MGAT4C: variants seen among roughly 807,000 people sequenced by gnomAD.
MGAT4C encodes the protein alpha-1,3-mannosyl-glycoprotein 4-beta-N-acetylglucosaminyltransferase C.
In MGAT4C, 19 loss-of-function variants were observed where a neutral mutation model predicts 40.1. The observed-to-expected ratio is 0.47, with a 90% CI of 0.33 to 0.70. MGAT4C has a LOEUF of 0.70. MGAT4C is among the 30% of genes least tolerant of loss of function. The pLI is 0.02. For missense variants in MGAT4C, 491 were observed against 563.2 expected (o/e 0.87, Z 1.30); for synonymous variants, 181 against 187.1 (o/e 0.97, Z 0.27).
intron 2 of MGAT4C, among the ~76,000 whole-genome samples, chr12:86,441,446 C>G (rs1434076863): frequency 6.6e-6 from 1 of 151,348 alleles, no homozygotes; most frequent in Admixed American, 6.6e-5. Flanking sequence ...GTGCTGCACC[C>G]ATTAACTCAT....
intron 2 of MGAT4C, among the ~76,000 whole-genome samples, chr12:86,717,316 C>G (rs1417100585): frequency 6.6e-6 from 1 of 151,896 alleles, no homozygotes; most frequent in African/African-American, 2.4e-5. Flanking sequence ...AATATCATGT[C>G]AATAATTTAA....
At chr12:86,571,596 CGTGA>C (rs1181809856) in intron 2 of MGAT4C, among the ~76,000 whole-genome samples, 8 of 151,720 alleles carry the variant, frequency 5.3e-5, no homozygotes, top group Admixed American at 1.3e-4. Flanking sequence ...ATACAGTATG[CGTGA>C]GTGTCTGTGT....
intron 3 of MGAT4C, among the ~76,000 whole-genome samples, chr12:86,348,208 C>T (rs1955081505): frequency 6.6e-6 from 1 of 152,116 alleles, no homozygotes; most frequent in South Asian, 2.1e-4. Flanking sequence ...AATAAATGTG[C>T]TACTTCTAAA....
intron 3 of MGAT4C, among the ~76,000 whole-genome samples, chr12:86,433,465 T>C (rs1957081234): frequency 6.6e-6 from 1 of 152,088 alleles, no homozygotes; most frequent in Non-Finnish European, 1.5e-5. Context: ...GCTTGCTGCA[T>C]GTGCCTATTG....
intron 1 of MGAT4C, among the ~76,000 whole-genome samples, chr12:86,050,622 TGAG>T (rs1892810426): frequency 6.6e-6 from 1 of 152,032 alleles, no homozygotes; most frequent in South Asian, 2.1e-4. Context: ...TATATACTCT[TGAG>T]GCACAGATTC....
intron 3 of MGAT4C, among the ~76,000 whole-genome samples, chr12:86,402,219 C>A (rs973080561): frequency 1.3e-5 from 2 of 151,950 alleles, no homozygotes; most frequent in East Asian, 2.0e-4. Flanking sequence ...CCGAGGCAGG[C>A]GGATCCCTTG....
chr12:86,288,323 T>A (rs1953409046), intron 4 of MGAT4C, among the ~76,000 whole-genome samples: 1 of 152,200 alleles, frequency 6.6e-6, no homozygotes, highest in Non-Finnish European at 1.5e-5. Flanking sequence ...GATAGTTTCT[T>A]TTGCTGTGCA....
intron 2 of MGAT4C, among the ~76,000 whole-genome samples, chr12:86,533,665 A>T (rs1959021261): frequency 1.3e-5 from 2 of 151,534 alleles, no homozygotes; most frequent in Admixed American, 1.3e-4. Context: ...ACACACATTA[A>T]TTAAATTACA....
intron 2 of MGAT4C, among the ~76,000 whole-genome samples, chr12:86,010,693 C>CAAA (rs773089850): frequency 0.024 from 1,345 of 56,090 alleles, 9 homozygotes; most frequent in Non-Finnish European, 0.034. Flanking sequence ...AACAAACAAA[C>CAAA]CAACAAACAA....
At chr12:86,438,731 A>C (rs1245964414) in intron 2 of MGAT4C, among the ~76,000 whole-genome samples, 1 of 151,782 alleles carries the variant, frequency 6.6e-6, no homozygotes, top group Non-Finnish European at 1.5e-5. Flanking sequence ...CAAGACACAC[A>C]CCTAACCATG....
intron 2 of MGAT4C, among the ~76,000 whole-genome samples, chr12:86,451,068 T>A (rs753329406): frequency 3.3e-5 from 5 of 152,136 alleles, no homozygotes; most frequent in Non-Finnish European, 5.9e-5. Context: ...AAATCTCATA[T>A]AGAAATGTAA....
chr12:86,218,313 A>G (rs1227429294), intron 1 of MGAT4C, among the ~76,000 whole-genome samples: 1 of 152,252 alleles, frequency 6.6e-6, no homozygotes, highest in African/African-American at 2.4e-5. Flanking sequence ...AGTGACCTGT[A>G]ATACTATTTT....
chr12:86,152,793 T>C (rs1035066251), intron 1 of MGAT4C, among the ~76,000 whole-genome samples: 5 of 152,210 alleles, frequency 3.3e-5, no homozygotes, highest in African/African-American at 9.6e-5. Flanking sequence ...TTAACACATA[T>C]GCATTTTTGT....
intron 1 of MGAT4C, among the ~76,000 whole-genome samples, chr12:86,830,983 C>A (rs542233042): frequency 6.6e-6 from 1 of 151,914 alleles, no homozygotes; most frequent in South Asian, 2.1e-4. Flanking sequence ...TACAACTGAT[C>A]TCAAGGTCAA....
chr12:86,216,045 T>A (rs2135973243), intron 1 of MGAT4C, among the ~76,000 whole-genome samples: 1 of 152,232 alleles, frequency 6.6e-6, no homozygotes, highest in Admixed American at 6.5e-5. Context: ...AAACATGAGA[T>A]TTTTAAATCC....
chr12:86,367,406 T>C (rs1215617961), intron 3 of MGAT4C, among the ~76,000 whole-genome samples: 1 of 152,068 alleles, frequency 6.6e-6, no homozygotes, highest in Non-Finnish European at 1.5e-5. Context: ...TGCAGGAAGA[T>C]GTTTGGGAAC....
At chr12:86,763,565 G>A (rs1951443056) in intron 1 of MGAT4C, among the ~76,000 whole-genome samples, 1 of 152,026 alleles carries the variant, frequency 6.6e-6, no homozygotes. Flanking sequence ...TCTATGCTTT[G>A]AATACTATAC....
intron 1 of MGAT4C, among the ~76,000 whole-genome samples, chr12:86,826,421 A>G (rs1351931409): frequency 6.6e-6 from 1 of 151,304 alleles, no homozygotes; most frequent in African/African-American, 2.4e-5. Flanking sequence ...GTAGGTGTTG[A>G]CCCCATTTTA....
intron 2 of MGAT4C, among the ~76,000 whole-genome samples, chr12:86,046,805 T>G (rs923205851): frequency 3.3e-5 from 5 of 152,200 alleles, no homozygotes; most frequent in African/African-American, 1.2e-4. Context: ...ATGTTTGATA[T>G]CAAAATAGAG....
Sources: gnomAD v4.1 joint callset for allele counts (sites outside exome capture counted in the v4.1 genomes callset) on GRCh38, gnomAD v4.1.1 for gene constraint, MANE v1.5 for transcripts, NCBI Gene and HGNC (gene_info 2026-07-23, HGNC 2026-07-21) for gene names.